Variants in GNB4 observed in about 807,000 individuals in gnomAD.
The protein encoded by GNB4 is guanine nucleotide-binding protein subunit beta-4.
Under a neutral mutation model 45.2 loss-of-function variants are expected in GNB4, and 28 were observed. The ratio of observed to expected loss-of-function variants is 0.62; its 90% CI spans 0.46 to 0.85. GNB4 has a LOEUF of 0.85. GNB4 is among the 40% of genes least tolerant of loss of function. The pLI is 0.00. For synonymous variants in GNB4, 132 were observed against 143.7 expected, an observed-to-expected ratio of 0.92 and a Z score of 0.58; for missense variants, 321 against 425.4, an observed-to-expected ratio of 0.75 and a Z score of 2.16.
chr3:179,496,104 C>A, the GNB4 span, among the ~76,000 whole-genome samples: 1 of 151,682 alleles, frequency 6.6e-6, no homozygotes, highest in African/African-American at 2.4e-5. Flanking sequence ...AGTACAAAGA[C>A]AAAAGTATTT....
At chr3:179,435,940 G>A (rs1715434877) in intron 1 of GNB4, among the ~76,000 whole-genome samples, 1 of 152,168 alleles carries the variant, frequency 6.6e-6, no homozygotes, top group South Asian at 2.1e-4. Flanking sequence ...TTTTACTGAA[G>A]CAAGGCATTA....
At chr3:179,518,873 C>T in the GNB4 span, among the ~76,000 whole-genome samples, 12 of 152,302 alleles carry the variant, frequency 7.9e-5, 1 homozygote, top group East Asian at 1.9e-3. Context: ...TACTTTATTA[C>T]CTAATCTGCT....
chr3:179,401,453 ATAAT>A (rs1714298304), intron 9 of GNB4, 134 bp from the exon 10 acceptor site: 3 of 435,238 alleles, frequency 6.9e-6, no homozygotes, highest in Non-Finnish European at 1.2e-5. Context: ...AAAAATAATA[ATAAT>A]TTAAAAGAAA....
At chr3:179,499,505 G>T in the GNB4 span, among the ~76,000 whole-genome samples, 1 of 152,146 alleles carries the variant, frequency 6.6e-6, no homozygotes, top group East Asian at 1.9e-4. Flanking sequence ...TGGGCATTTG[G>T]GCTGGTTCTA....
the GNB4 span, among the ~76,000 whole-genome samples, chr3:179,519,885 G>A: frequency 1.3e-5 from 2 of 152,070 alleles, no homozygotes; most frequent in African/African-American, 4.8e-5. Flanking sequence ...ATTAAAGTCT[G>A]TTATCACTCG....
chr3:179,489,004 AAAAAAAAAAAAAAAAAT>A, the GNB4 span, among the ~76,000 whole-genome samples: 7 of 39,158 alleles, frequency 1.8e-4, 1 homozygote, highest in African/African-American at 6.6e-4. Context: ...AAAAAAAAAA[AAAAAAAAAAAAAAAAAT>A]ATATATATAT....
chr3:179,398,170 A>G lies in GNB4; in HGVS notation c.*3043T>C, dbSNP rs1376224006. On this transcript the variant is annotated 3_prime_UTR_variant, in exon 10 of 10. Coordinates refer to ENST00000232564, the MANE Select transcript of GNB4 (RefSeq NM_021629.4). Reference sequence around the variant, plus strand: ...CTCTTCTTGACATGCTACAGAGTCAACAAATTAACCTTCTCAGGCACATTA... The same window carrying G: ...CTCTTCTTGACATGCTACAGAGTCAGCAAATTAACCTTCTCAGGCACATTA... 1 of 152,210 alleles carries G rather than the reference A, an allele frequency of 6.6e-6. No homozygotes were observed. The highest frequency in any genetic ancestry group is 2.4e-5 in the African/African-American group (1 of 41,452). 9.4% of individuals were successfully genotyped at this position (152,210 alleles called of 1,614,324 possible).
chr3:179,472,194 A>C, the GNB4 span, among the ~76,000 whole-genome samples: 1 of 152,128 alleles, frequency 6.6e-6, no homozygotes, highest in South Asian at 2.1e-4. Context: ...AAAAACATGT[A>C]TATAGCAATA....
In GNB4 at chr3:179,420,873, A is replaced by G. The variant is rs746485270; in HGVS notation, c.96+16T>C. ...TATGAGTTACCAAAATGAAATAAAG[A>G]AAAACAAAACTTTACCTGAACAAGC... On this transcript the variant is annotated intron_variant, in intron 3 of 9. Transcript: ENST00000232564. 27 of 1,547,134 alleles carry G rather than the reference A, an allele frequency of 1.7e-5. No homozygotes were observed. The highest frequency in any genetic ancestry group is 2.4e-5 in the Non-Finnish European group (27 of 1,123,432).
chr3:179,496,042 AT>A, the GNB4 span, among the ~76,000 whole-genome samples: 7 of 152,336 alleles, frequency 4.6e-5, no homozygotes, highest in South Asian at 1.4e-3. Flanking sequence ...ATATAGTCAC[AT>A]TTGGAATACT....
At position 179,396,213 on chromosome 3, in the gene GNB4, CAT is replaced by C. The variant is rs1292207634; in HGVS notation, c.*4998_*4999del. 1.3e-5 allele frequency: 2 copies of C among 152,096 alleles called. No homozygotes were observed. Among genetic ancestry groups the C allele is most frequent in the Non-Finnish European group, 2.9e-5 (2 of 68,008 alleles). 9.4% of individuals were successfully genotyped at this position (152,096 alleles called of 1,614,324 possible). ...GAACAGTTAAATCATGATACAAGTC[CAT>C]AGTTTATATGGTTTAGAGCTTTAAG... On this transcript the variant is annotated 3_prime_UTR_variant, in exon 10 of 10. Coordinates refer to ENST00000232564, the MANE Select transcript of GNB4 (RefSeq NM_021629.4).
At chr3:179,476,748 A>G in the GNB4 span, among the ~76,000 whole-genome samples, 86 of 152,218 alleles carry the variant, frequency 5.6e-4, no homozygotes, top group African/African-American at 2.0e-3. Context: ...ATACCACCAA[A>G]GTGTTTACAG....
At chr3:179,526,884 A>T in the GNB4 span, among the ~76,000 whole-genome samples, 1 of 152,220 alleles carries the variant, frequency 6.6e-6, no homozygotes, top group Non-Finnish European at 1.5e-5. Flanking sequence ...TTTTGGCACC[A>T]TTCCCAAAAT....
chr3:179,523,757 G>C, the GNB4 span, among the ~76,000 whole-genome samples: 15 of 152,168 alleles, frequency 9.9e-5, no homozygotes, highest in South Asian at 3.1e-3. Flanking sequence ...GGGAGTAGAG[G>C]GGTCCCATAC....
At chr3:179,501,490 A>ATTTT in the GNB4 span, among the ~76,000 whole-genome samples, 1 of 144,624 alleles carries the variant, frequency 6.9e-6, no homozygotes, top group Non-Finnish European at 1.5e-5. Flanking sequence ...TTTGGTTTGG[A>ATTTT]TTTTTTTTTT....
chr3:179,490,629 G>T, the GNB4 span, among the ~76,000 whole-genome samples: 9 of 152,174 alleles, frequency 5.9e-5, no homozygotes, highest in African/African-American at 2.2e-4. Context: ...CAAAAAAACT[G>T]AATTTCTGAT....
rs778918908 is a variant in GNB4 at position 179,416,603 on chromosome 3, T to C, written c.204-47A>G. On this transcript the variant is annotated intron_variant, in intron 4 of 9. Transcript: ENST00000232564. ...TAATTTGACACTTAGAGGGAAAAAA[T>C]AGCTTAAATTGGTTATGCATTGCAT... 2.0e-5 allele frequency: 24 copies of C among 1,201,824 alleles called. 1 individual carries two copies. In the Admixed American group the frequency reaches 2.9e-4, roughly 15 times the overall value. 74.4% of individuals were successfully genotyped at this position (1,201,824 alleles called of 1,614,324 possible).
the GNB4 span, among the ~76,000 whole-genome samples, chr3:179,471,724 T>A: frequency 6.6e-6 from 1 of 152,218 alleles, no homozygotes; most frequent in Non-Finnish European, 1.5e-5. Context: ...CATAGTTGAC[T>A]TTTTGAGGTG....
chr3:179,479,621 C>T, the GNB4 span, among the ~76,000 whole-genome samples: 1 of 152,104 alleles, frequency 6.6e-6, no homozygotes, highest in Non-Finnish European at 1.5e-5. Context: ...AGTCATTTTG[C>T]CAAGCGAATG....
Sources: gnomAD v4.1 joint callset for allele counts (sites outside exome capture counted in the v4.1 genomes callset) on GRCh38, gnomAD v4.1.1 for gene constraint, MANE v1.5 for transcripts, NCBI Gene and HGNC (gene_info 2026-07-23, HGNC 2026-07-21) for gene names.